RADIL: variants seen among roughly 807,000 people sequenced by gnomAD.
The protein encoded by RADIL is Rap associating with DIL domain.
Under a neutral mutation model 97.6 loss-of-function variants are expected in RADIL, and 99 were observed. The observed-to-expected ratio is 1.01, with a 90% CI of 0.86 to 1.20. The LOEUF is 1.20. Among genes scored for constraint, RADIL ranks in the 50% most tolerant of loss-of-function variants. RADIL has a pLI of 0.00. For synonymous variants in RADIL, 803 were observed against 691.8 expected (o/e 1.16, Z -2.52); for missense variants, 1,765 against 1,498.9 (o/e 1.18, Z -2.93).
rs1036232323 is a variant in RADIL, at chr7:4,798,040, A to G, written c.*1338T>C. On this transcript the variant is annotated 3_prime_UTR_variant, in exon 15 of 15. Transcript: ENST00000399583. ...TAAAAAATGTTTATAAAATATACGAATATATTACGTATACATGAATATGTA... is the reference window on the plus strand; with the variant it reads ...TAAAAAATGTTTATAAAATATACGAGTATATTACGTATACATGAATATGTA... 2.0e-5 allele frequency: 3 copies of G among 148,238 alleles called. No individual in the cohort carries two copies. Among genetic ancestry groups the G allele is most frequent in the Non-Finnish European group, 4.5e-5 (3 of 67,278 alleles). The allele number at this position is 148,238 out of a possible 1,614,324, so 9.2% of individuals were successfully genotyped here.
Position 4,813,217 on chromosome 7 carries a change from GATCCTCCTACCTCAACCTCCCAAGT to G in RADIL, c.2139+2036_2139+2060del, listed in dbSNP as rs1782593283. On this transcript the variant is annotated intron_variant, in intron 9 of 14. Coordinates refer to ENST00000399583, the MANE Select transcript of RADIL (RefSeq NM_018059.5). This position sits in a 1 kb window ranked among gnomAD's most constrained non-coding sequence, Gnocchi z 5.0. Reference sequence around the variant, plus strand: ...AAGCGTTTAATTCCTGGACTCAAATGATCCTCCTACCTCAACCTCCCAAGTAGCTGGCACTACAGGCGTTTGCCCC... The same window carrying G: ...AAGCGTTTAATTCCTGGACTCAAATGAGCTGGCACTACAGGCGTTTGCCCC... Among the ~76,000 whole-genome samples the G allele has an allele frequency of 6.6e-6, 1 of 151,910 alleles. No individual in the cohort carries two copies. Among genetic ancestry groups the G allele is most frequent in the Admixed American group, 6.6e-5 (1 of 15,242 alleles).
chr7:4,874,305 G>C (rs986976978), intron 2 of RADIL, among the ~76,000 whole-genome samples: 1 of 152,254 alleles, frequency 6.6e-6, no homozygotes, highest in Admixed American at 6.5e-5. Context: ...TTTGAGGCAG[G>C]GCTGTCCAGC....
Position 4,835,813 on chromosome 7 carries a change from A to G in RADIL, c.783+545T>C, listed in dbSNP as rs1214334198. 1.3e-5 allele frequency among the ~76,000 whole-genome samples: 2 copies of G among 152,210 alleles called. No homozygotes were observed. The highest frequency in any genetic ancestry group is 2.1e-4 in the South Asian group (1 of 4,826). On this transcript the variant is annotated intron_variant, in intron 3 of 14. Transcript: ENST00000399583. The surrounding 1 kb of genome is among the most constrained non-coding windows in gnomAD (Gnocchi z 5.8). The stretch of plus-strand genomic sequence containing the variant: ...GGGAAAACAGTTGTCTGGCAGGGCA[A>G]GTGTCCGGCAAGGTGAGGCGAGGTG...
At chr7:4,808,070 C>G (rs1243852323) in intron 9 of RADIL, among the ~76,000 whole-genome samples, 5 of 134,004 alleles carry the variant, frequency 3.7e-5, no homozygotes, top group Middle Eastern at 3.8e-3. Context: ...CCCTCCCTCC[C>G]TCTGTCTCTC....
At chr7:4,839,881 A>G (rs1783398528) in intron 2 of RADIL, among the ~76,000 whole-genome samples, 1 of 151,864 alleles carries the variant, frequency 6.6e-6, no homozygotes. Context: ...CAAGTAACTG[A>G]GATTACAGGC....
intron 4 of RADIL, among the ~76,000 whole-genome samples, chr7:4,833,268 G>C (rs553885590): frequency 6.6e-6 from 1 of 152,354 alleles, no homozygotes; most frequent in South Asian, 2.1e-4. Flanking sequence ...AAATTAAACA[G>C]CGTTTGGTTT....
In RADIL at chr7:4,848,166, C is replaced by T. The variant is rs187355632; in HGVS notation, c.536-11561G>A. ...AGTGAGCTGAGATCACACCACTGCA[C>T]TCCAGCCTGGGTGACTGCACAGACT... On this transcript the variant is annotated intron_variant, in intron 2 of 14. Transcript: ENST00000399583. 2.0e-5 allele frequency among the ~76,000 whole-genome samples: 3 copies of T among 150,808 alleles called. No homozygotes were observed. In the East Asian group the frequency reaches 5.9e-4, roughly 29 times the overall value.
In RADIL at chr7:4,842,648, G is replaced by A. The variant is rs1291058447; in HGVS notation, c.536-6043C>T. On this transcript the variant is annotated intron_variant, in intron 2 of 14. Coordinates refer to ENST00000399583, the MANE Select transcript of RADIL (RefSeq NM_018059.5). This position sits in a 1 kb window ranked among gnomAD's most constrained non-coding sequence, Gnocchi z 4.5. Reference sequence around the variant, plus strand: ...CTCAATTCCTCTATAAACTCAGCCGGCAGCTTTCGCCTCCTGATCCTGTTT... The same window carrying A: ...CTCAATTCCTCTATAAACTCAGCCGACAGCTTTCGCCTCCTGATCCTGTTT... Among the ~76,000 whole-genome samples the A allele has an allele frequency of 6.6e-6, 1 of 152,138 alleles. No individual in the cohort carries two copies. The highest frequency in any genetic ancestry group is 1.5e-5 in the Non-Finnish European group (1 of 68,030).
At chr7:4,882,766 A>T (rs1315156674) in intron 1 of RADIL, among the ~76,000 whole-genome samples, 1 of 152,196 alleles carries the variant, frequency 6.6e-6, no homozygotes, top group African/African-American at 2.4e-5. Flanking sequence ...TGGAGAGGAG[A>T]CCGACTTGCC....
In RADIL at chr7:4,836,518, G is replaced by A. The variant is rs933475718; in HGVS notation, c.623C>T (p.Pro208Leu). The A allele has an allele frequency of 3.7e-6, 6 of 1,607,498 alleles. No individual in the cohort carries two copies. The highest frequency in any genetic ancestry group is 1.7e-5 in the Admixed American group (1 of 59,436). ...ACTGACTGTGCGGCGCAACCGGGGT[G>A]GAGGAGAGCTCCGGGCATCCCCCAG... Reference protein sequence around the residue: ...PALGDARSSPPPRLRRTVSET... With the variant: ...PALGDARSSPLPRLRRTVSET... Residue 208 changes from proline to leucine, a missense_variant, in exon 3 of 15, where the codon CCA becomes CTA. Pro to Leu is a moderately conservative substitution (Grantham distance 98, BLOSUM62 -3). Coordinates refer to ENST00000399583, the MANE Select transcript of RADIL (RefSeq NM_018059.5).
chr7:4,866,767 C>T (rs943712733), intron 2 of RADIL, among the ~76,000 whole-genome samples: 2 of 152,182 alleles, frequency 1.3e-5, no homozygotes, highest in Admixed American at 1.3e-4. Flanking sequence ...TGTTTGTCCC[C>T]ACTAAAACTC....
rs1241645383 is a variant in RADIL at position 4,801,971 on chromosome 7, C to T, written c.2524G>A (p.Gly842Arg). ...PEGMHHVVLD[G>R]HLEAPSCPLA... ...GGGCAGCTCGGGGCCTCCAGGTGCC[C>T]GTCAAGGACCACGTGGTGCATACCC... Residue 842 changes from glycine (G) to arginine (R), a missense_variant, in exon 12 of 15, where the codon GGG (glycine) becomes AGG (arginine). Physicochemically the swap from Gly to Arg is moderately radical, Grantham distance 125. Transcript: ENST00000399583. The T allele has an allele frequency of 3.2e-6, 5 of 1,546,218 alleles. No homozygotes were observed. Among genetic ancestry groups the T allele is most frequent in the Admixed American group, 2.1e-5 (1 of 46,546 alleles).
At chr7:4,809,685 T>C in intron 9 of RADIL, 1 of 941,724 alleles carries the variant, frequency 1.1e-6, no homozygotes, top group Non-Finnish European at 1.3e-6. Context: ...TTTATTTTAT[T>C]TAATTGATTT....
chr7:4,809,104 GC>G (rs1782458160), intron 9 of RADIL: 1 of 984,116 alleles, frequency 1.0e-6, no homozygotes, highest in Non-Finnish European at 1.2e-6. Flanking sequence ...TGCTCAGGAT[GC>G]GGGGCGCAGG....
chr7:4,858,262 C>A (rs1783883676), intron 2 of RADIL: 1 of 152,072 alleles, frequency 6.6e-6, no homozygotes, highest in African/African-American at 2.4e-5. Flanking sequence ...ATGAAAAGTG[C>A]AGAGTTAGAG....
rs1243465243 is a variant in RADIL at position 4,836,591 on chromosome 7, C to T, written c.550G>A (p.Ala184Thr). 6.2e-7 allele frequency: 1 copy of T among 1,607,330 alleles called. No homozygotes were observed. Among genetic ancestry groups the T allele is most frequent in the Non-Finnish European group, 8.5e-7 (1 of 1,179,662 alleles). Reference sequence around the variant, plus strand: ...GCGCGACTCCGCTGCAGCCTCCGGGCCTGGGCGTTTATCCCTGGAACAGAA... The same window carrying T: ...GCGCGACTCCGCTGCAGCCTCCGGGTCTGGGCGTTTATCCCTGGAACAGAA... Reference protein sequence around the residue: ...DTITAGINAQARRLQRSRAKG... With the variant: ...DTITAGINAQTRRLQRSRAKG... Residue 184 changes from alanine (A) to threonine (T), a missense_variant, in exon 3 of 15, where the codon GCC (alanine) becomes ACC (threonine). Ala to Thr is a moderately conservative substitution (Grantham distance 58). Transcript: ENST00000399583.
Position 4,815,570 on chromosome 7 carries a change from T to C in RADIL, c.1967-120A>G, listed in dbSNP as rs903378706. The C allele has an allele frequency of 8.9e-7, 1 of 1,119,282 alleles. No homozygotes were observed. The highest frequency in any genetic ancestry group is 1.2e-6 in the Non-Finnish European group (1 of 816,796). The allele number at this position is 1,119,282 out of a possible 1,614,324, so 69.3% of individuals were successfully genotyped here. A position where few individuals can be genotyped will look rare whatever the true frequency, so the allele number is the denominator to read the frequency against. Reference sequence around the variant, plus strand: ...GGCCACTGAGGACATCACAGCTCGATGACAGGCAGGACACCTTCCCTCGGT... The same window carrying C: ...GGCCACTGAGGACATCACAGCTCGACGACAGGCAGGACACCTTCCCTCGGT... On this transcript the variant is annotated intron_variant, in intron 8 of 14. Coordinates refer to ENST00000399583, the MANE Select transcript of RADIL (RefSeq NM_018059.5). The surrounding 1 kb of genome is among the most constrained non-coding windows in gnomAD (Gnocchi z 8.0).
At position 4,815,501 on chromosome 7, in the gene RADIL, C is replaced by T. The variant is rs1359574746; in HGVS notation, c.1967-51G>A. On this transcript the variant is annotated intron_variant, in intron 8 of 14. Transcript: ENST00000399583. This position sits in a 1 kb window ranked among gnomAD's most constrained non-coding sequence, Gnocchi z 8.0. ...TGCCTGGGCTGCCCTCCTGGGGGGA[C>T]ACAGACATGGGCCTGTCCCCAGAGC... The T allele has an allele frequency of 6.9e-7, 1 of 1,445,496 alleles. No individual in the cohort carries two copies. The highest frequency in any genetic ancestry group is 1.4e-5 in the African/African-American group (1 of 70,454). 89.5% of individuals were successfully genotyped at this position (1,445,496 alleles called of 1,614,324 possible). A position where few individuals can be genotyped will look rare whatever the true frequency, so the allele number is the denominator to read the frequency against.
intron 2 of RADIL, among the ~76,000 whole-genome samples, chr7:4,848,250 GA>G (rs1783624812): frequency 6.6e-6 from 1 of 151,308 alleles, no homozygotes; most frequent in South Asian, 2.1e-4. Context: ...ACTGGACTGT[GA>G]TGATGATGAT....
Sources: allele counts gnomAD v4.1 joint callset (sites outside exome capture counted in the v4.1 genomes callset), GRCh38; gene constraint gnomAD v4.1.1; non-coding constraint Gnocchi (gnomAD v3.1); transcripts MANE v1.5; gene names NCBI Gene and HGNC (gene_info 2026-07-23, HGNC 2026-07-21).